Variants in ESPNL observed in about 807,000 individuals in gnomAD.
ESPNL encodes espin like.
Under a neutral mutation model 46.8 loss-of-function variants are expected in ESPNL, and 49 were observed. The ratio of observed to expected loss-of-function variants is 1.05; its 90% confidence interval spans 0.83 to 1.33. The LOEUF (loss-of-function observed/expected upper bound fraction) is 1.33. ESPNL is among the 40% of genes most tolerant of loss of function. The pLI, the probability that ESPNL is intolerant of heterozygous loss-of-function variation, is 0.00. For synonymous variants in ESPNL, 664 were observed against 662.1 expected, an observed-to-expected ratio of 1.00 and a Z score of -0.04; for missense variants, 1,540 against 1,436.6, an observed-to-expected ratio of 1.07 and a Z score of -1.16.
chr2:238,131,604 A>C lies in ESPNL; in HGVS notation c.2890A>C (p.Thr964Pro). The C allele has an allele frequency of 6.2e-7, 1 of 1,611,670 alleles. No homozygotes were observed. Among genetic ancestry groups the C allele is most frequent in the African/African-American group, 1.3e-5 (1 of 74,992 alleles). ...CGTCCCCTGCAGCGGCCCTGAGCCC[A>C]CAGCACAGCGGCTGGGGTCCCGCTC... Reference protein sequence around the residue: ...AAVPCSGPEPTAQRLGSRSQQ... With the variant: ...AAVPCSGPEPPAQRLGSRSQQ... The change falls in exon 9 of 9, where the codon ACA (threonine) becomes CCA (proline). Residue 964 changes from threonine to proline, a missense_variant. Physicochemically the swap from Thr to Pro is conservative, Grantham distance 38. Transcript: ENST00000343063.
chr2:238,118,765 G>A (rs1423714377), intron 5 of ESPNL, among the ~76,000 whole-genome samples: 3 of 66,442 alleles, frequency 4.5e-5, no homozygotes, highest in African/African-American at 1.8e-4. Context: ...ATGGAGGAGG[G>A]TGGATGGAGG....
At position 238,131,247 on chromosome 2, in the gene ESPNL, G is replaced by A. The variant is rs369125834; in HGVS notation, c.2533G>A (p.Gly845Arg). ...SPEQFLPHVD[G>R]APVPYSSLSL... The stretch of plus-strand genomic sequence containing the variant: ...CGAGCAGTTCCTGCCCCACGTGGAC[G>A]GGGCTCCGGTGCCCTACAGCAGCCT... Residue 845 changes from glycine (G) to arginine (R), a missense_variant, in exon 9 of 9, where the codon GGG becomes AGG. Physicochemically the swap from Gly to Arg is moderately radical, Grantham distance 125. Coordinates refer to ENST00000343063, the MANE Select transcript of ESPNL (RefSeq NM_194312.4). The A allele has an allele frequency of 9.2e-5, 144 of 1,567,900 alleles. No individual in the cohort carries two copies. Among genetic ancestry groups the A allele is most frequent in the Non-Finnish European group, 1.1e-4 (130 of 1,159,442 alleles).
Position 238,130,873 on chromosome 2 carries a change from A to G in ESPNL, c.2159A>G (p.Glu720Gly), listed in dbSNP as rs1205320339. 1.9e-6 allele frequency: 3 copies of G among 1,556,634 alleles called. No homozygotes were observed. The highest frequency in any genetic ancestry group is 2.6e-6 in the Non-Finnish European group (3 of 1,151,334). The change falls in exon 9 of 9, where the codon GAG (glutamate) becomes GGG (glycine). Residue 720 changes from glutamate to glycine, a missense_variant. Glu to Gly is a moderately conservative substitution (Grantham distance 98). Transcript: ENST00000343063. ...AGCGACTCTGGCATCAGCTGCGAGG[A>G]GGTGCCATCAGAGGCGGGTGCCGCA... ...EASDSGISCE[E>G]VPSEAGAAAG... is the part of the protein sequence containing the mutation.
Position 238,125,240 on chromosome 2 carries a change from C to T in ESPNL, c.988-30C>T, listed in dbSNP as rs963876234. ...TGAGCAGGGAAGAGCCCACGGGGGT[C>T]CCCCACTGACCAGGCCCATTCACCC... On this transcript the variant is annotated intron_variant, in intron 5 of 8. Transcript: ENST00000343063. 8 of 1,103,776 alleles carry T rather than the reference C, an allele frequency of 7.2e-6. No individual in the cohort carries two copies. In the African/African-American group the frequency reaches 1.1e-4, roughly 16 times the overall value. The allele number at this position is 1,103,776 out of a possible 1,614,324, so 68.4% of individuals were successfully genotyped here. A position where few individuals can be genotyped will look rare whatever the true frequency, so the allele number is the denominator to read the frequency against.
intron 4 of ESPNL, among the ~76,000 whole-genome samples, chr2:238,112,107 A>C (rs1691727772): frequency 6.6e-6 from 1 of 152,042 alleles, no homozygotes; most frequent in Non-Finnish European, 1.5e-5. Flanking sequence ...GGTTTTGTGG[A>C]ATTCACTCGT....
At chr2:238,126,621 CTGTG>C (rs1047957175) in intron 6 of ESPNL, among the ~76,000 whole-genome samples, 9 of 133,296 alleles carry the variant, frequency 6.8e-5, no homozygotes, top group African/African-American at 1.7e-4. Flanking sequence ...GTGTCCGTGT[CTGTG>C]TGTCTGTTCT....
At chr2:238,119,399 A>AGGAGG (rs1559263922) in intron 5 of ESPNL, among the ~76,000 whole-genome samples, 316 of 120,340 alleles carry the variant, frequency 2.6e-3, no homozygotes, top group East Asian at 6.0e-3. Context: ...CAGGAGGTGG[A>AGGAGG]TGGAGGAGGT....
intron 5 of ESPNL, among the ~76,000 whole-genome samples, chr2:238,118,432 A>G (rs1691875994): frequency 1.2e-5 from 1 of 80,920 alleles, no homozygotes; most frequent in Non-Finnish European, 2.2e-5. Context: ...ATGGAGGAGG[A>G]ATGGATGGAA....
intron 5 of ESPNL, among the ~76,000 whole-genome samples, chr2:238,122,279 G>A (rs777178880): frequency 3.9e-5 from 6 of 152,334 alleles, no homozygotes; most frequent in East Asian, 1.9e-4. Context: ...TCCCGTTGCC[G>A]GAGAAACGCC....
At chr2:238,106,715 C>G (rs1333955037) in intron 3 of ESPNL, among the ~76,000 whole-genome samples, 1 of 131,384 alleles carries the variant, frequency 7.6e-6, no homozygotes, top group Non-Finnish European at 1.5e-5. Flanking sequence ...CAGCTCACCA[C>G]AGGGGGTCCT....
chr2:238,118,386 A>AAGGGTGGATGGAAGAGGGTGGATGGAGG (rs1213170116), intron 5 of ESPNL, among the ~76,000 whole-genome samples: 1 of 58,660 alleles, frequency 1.7e-5, no homozygotes, highest in Non-Finnish European at 3.0e-5. Flanking sequence ...GTGGATGGAG[A>AAGGGTGGATGGAAGAGGGTGGATGGAGG]AGGGTGGATG....
Position 238,130,473 on chromosome 2 carries a change from C to T in ESPNL, c.1759C>T (p.Gln587Ter), listed in dbSNP as rs1692283945. ...GGCCTCAGAGGTGGCCCCCGGGGTG[C>T]AGCCCCTGCCCTTCTGGTGCAGCCA... ...AEASEVAPGV[Q>*]PLPFWCSHIS... Residue 587 changes from glutamine (Q) to a stop codon, truncating the protein, a stop_gained, in exon 9 of 9, where the codon CAG becomes TAG. Transcript: ENST00000343063. LOFTEE classifies it low-confidence loss of function (END_TRUNC). The T allele has an allele frequency of 1.9e-6, 3 of 1,599,346 alleles. No individual in the cohort carries two copies. The highest frequency in any genetic ancestry group is 1.3e-5 in the African/African-American group (1 of 74,848).
chr2:238,129,904 G>A (rs1692245596), intron 8 of ESPNL, among the ~76,000 whole-genome samples: 1 of 152,246 alleles, frequency 6.6e-6, no homozygotes, highest in Non-Finnish European at 1.5e-5. Flanking sequence ...CTTGCCTGTT[G>A]GGCTGGGAGC....
chr2:238,101,658 G>A (rs1029611177), intron 1 of ESPNL, among the ~76,000 whole-genome samples: 5 of 152,200 alleles, frequency 3.3e-5, no homozygotes, highest in African/African-American at 1.2e-4. Flanking sequence ...GACTGCGTGG[G>A]AAAGGGCCTT....
In ESPNL at chr2:238,131,333, G is replaced by C. The variant is rs879397764; in HGVS notation, c.2619G>C (p.Glu873Asp). ...FQLLECDLPA[E>D]ERKLRHLLCF... ...TGCTGGAGTGCGACCTGCCGGCGGA[G>C]GAGCGGAAGCTGCGCCACCTGCTGT... Residue 873 changes from glutamate to aspartate, a missense_variant, in exon 9 of 9, where the codon GAG becomes GAC. Coordinates refer to ENST00000343063, the MANE Select transcript of ESPNL (RefSeq NM_194312.4). The C allele has an allele frequency of 1.2e-5, 19 of 1,591,250 alleles. No individual in the cohort carries two copies. Among genetic ancestry groups the C allele is most frequent in the Admixed American group, 1.8e-5 (1 of 56,942 alleles).
chr2:238,127,512 C>T, intron 6 of ESPNL, 110 bp from the exon 7 acceptor site: 2 of 1,438,326 alleles, frequency 1.4e-6, no homozygotes, highest in Middle Eastern at 1.9e-4. Context: ...GCTCCCAGCT[C>T]GCAGATCGTT....
At chr2:238,124,883 G>A (rs568261334) in intron 5 of ESPNL, among the ~76,000 whole-genome samples, 42 of 152,268 alleles carry the variant, frequency 2.8e-4, no homozygotes, top group African/African-American at 8.9e-4. Flanking sequence ...GTGCATATGT[G>A]TGCACATGTC....
At chr2:238,121,344 C>A (rs1307384479) in intron 5 of ESPNL, among the ~76,000 whole-genome samples, 1 of 152,236 alleles carries the variant, frequency 6.6e-6, no homozygotes, top group Admixed American at 6.5e-5. Flanking sequence ...TCACCCCCAC[C>A]CGCCAGCACT....
At chr2:238,127,272 C>T (rs1692159534) in intron 6 of ESPNL, 4 of 871,560 alleles carry the variant, frequency 4.6e-6, no homozygotes, top group Non-Finnish European at 5.8e-6. Flanking sequence ...TTCATCGGGG[C>T]AGGGAGCATT....
Sources: allele counts gnomAD v4.1 joint callset (sites outside exome capture counted in the v4.1 genomes callset), GRCh38; gene constraint gnomAD v4.1.1; transcripts MANE v1.5; gene names NCBI Gene and HGNC (gene_info 2026-07-23, HGNC 2026-07-21).